SYT1: variants seen among roughly 807,000 people sequenced by gnomAD.
SYT1 encodes synaptotagmin-1.
Under a neutral mutation model 44.8 loss-of-function variants are expected in SYT1, and 8 were observed. The observed-to-expected ratio is 0.18, with a 90% confidence interval of 0.10 to 0.32. The LOEUF is 0.32. SYT1 is among the 10% of genes least tolerant of loss of function. SYT1 has a pLI of 1.00. For missense variants in SYT1, 286 were observed against 509.3 expected, an observed-to-expected ratio of 0.56 and a Z score of 4.22; for synonymous variants, 154 against 188.8, an observed-to-expected ratio of 0.82 and a Z score of 1.51.
chr12:79,428,428 T>C (rs1396199916), intron 9 of SYT1, among the ~76,000 whole-genome samples: 1 of 152,190 alleles, frequency 6.6e-6, no homozygotes, highest in African/African-American at 2.4e-5. Context: ...AATGATCCCA[T>C]GATGATTCAC....
chr12:79,164,370 T>C (rs2138321663), intron 3 of SYT1, among the ~76,000 whole-genome samples: 1 of 152,210 alleles, frequency 6.6e-6, no homozygotes, highest in South Asian at 2.1e-4. Context: ...TCTTCATTTT[T>C]CCATTTGCTT....
Position 79,331,115 on chromosome 12 carries a change from A to C in SYT1, c.811-22387A>C, listed in dbSNP as rs528310060. 7.2e-5 allele frequency among the ~76,000 whole-genome samples: 11 copies of C among 152,284 alleles called. No homozygotes were observed. The East Asian group carries it at 2.1e-3, about 29-fold the overall frequency. The stretch of plus-strand genomic sequence containing the variant: ...CAATTGAGAAGTGTTCTTAATTTAT[A>C]ACAGCAACAGCTTCTTTCAGAAAGC... On this transcript the variant is annotated intron_variant, in intron 8 of 10. Coordinates refer to ENST00000261205, the MANE Select transcript of SYT1 (RefSeq NM_005639.3).
At chr12:78,900,920 C>T (rs748919144) in intron 1 of SYT1, among the ~76,000 whole-genome samples, 3 of 152,070 alleles carry the variant, frequency 2.0e-5, no homozygotes, top group Admixed American at 6.6e-5. Flanking sequence ...TGTCAGAACA[C>T]TAGAGGCAAT....
At chr12:79,172,632 C>G (rs1297408334) in intron 3 of SYT1, among the ~76,000 whole-genome samples, 1 of 151,656 alleles carries the variant, frequency 6.6e-6, no homozygotes, top group East Asian at 1.9e-4. Context: ...ATTTATAATG[C>G]TCTAAATTAA....
intron 9 of SYT1, among the ~76,000 whole-genome samples, chr12:79,390,818 C>A (rs1169039586): frequency 6.6e-6 from 1 of 152,160 alleles, no homozygotes; most frequent in East Asian, 1.9e-4. Flanking sequence ...GTGTTTATTA[C>A]CAATTCAATC....
intron 1 of SYT1, among the ~76,000 whole-genome samples, chr12:78,961,734 A>G (rs1879515936): frequency 6.6e-6 from 1 of 152,162 alleles, no homozygotes; most frequent in Non-Finnish European, 1.5e-5. Context: ...AGATAAAATG[A>G]CCATCCTTCC....
At chr12:79,409,590 G>T (rs949573968) in intron 9 of SYT1, among the ~76,000 whole-genome samples, 5 of 152,114 alleles carry the variant, frequency 3.3e-5, no homozygotes, top group Non-Finnish European at 5.9e-5. Context: ...TTCCAGAACA[G>T]CCTTATTAGA....
At chr12:79,099,138 A>G (rs1167352983) in intron 3 of SYT1, among the ~76,000 whole-genome samples, 1 of 152,134 alleles carries the variant, frequency 6.6e-6, no homozygotes, top group Non-Finnish European at 1.5e-5. Flanking sequence ...TTAACTAAAT[A>G]AAGGCAATGC....
At position 79,446,488 on chromosome 12, in the gene SYT1, C is replaced by T. The variant is rs532359120; in HGVS notation, c.1062+2282C>T. ...CTCAGTCACTAATTTGACCAAGGAA[C>T]GTTATTTAACTTCCATGTATTTAAA... is the stretch of plus-strand genomic sequence containing the variant. On this transcript the variant is annotated intron_variant, in intron 10 of 10. Transcript: ENST00000261205. Among the ~76,000 whole-genome samples the T allele has an allele frequency of 2.1e-3, 326 of 152,114 alleles. 1 individual carries two copies. The highest frequency in any genetic ancestry group is 3.6e-3 in the Non-Finnish European group (245 of 67,974).
intron 1 of SYT1, among the ~76,000 whole-genome samples, chr12:78,896,769 A>C: frequency 6.6e-6 from 1 of 151,968 alleles, no homozygotes; most frequent in Admixed American, 6.6e-5. Flanking sequence ...AATTATGTGA[A>C]AAGAAAATAT....
At chr12:79,429,929 A>G (rs187702845) in intron 9 of SYT1, among the ~76,000 whole-genome samples, 6 of 152,326 alleles carry the variant, frequency 3.9e-5, no homozygotes, top group East Asian at 1.9e-4. Flanking sequence ...AGATATATGG[A>G]TTTCCTATTT....
intron 2 of SYT1, among the ~76,000 whole-genome samples, chr12:79,015,058 T>A (rs1434846908): frequency 1.3e-5 from 2 of 151,498 alleles, no homozygotes; most frequent in Non-Finnish European, 2.9e-5. Flanking sequence ...CTGGGGACTG[T>A]TGTAGGGTGG....
intron 3 of SYT1, among the ~76,000 whole-genome samples, chr12:79,066,478 G>GA (rs149463484): frequency 0.02 from 2,825 of 138,756 alleles, 89 homozygotes; most frequent in African/African-American, 0.069. Flanking sequence ...CTCTTGGTTT[G>GA]AAAAAAAAAA....
At chr12:78,934,323 C>A (rs1175160519) in intron 1 of SYT1, among the ~76,000 whole-genome samples, 1 of 151,862 alleles carries the variant, frequency 6.6e-6, no homozygotes, top group Non-Finnish European at 1.5e-5. Context: ...GAGTTCAAGA[C>A]CAGCCTGGGC....
chr12:78,885,411 GAC>G (rs1389315305), intron 1 of SYT1, among the ~76,000 whole-genome samples: 1 of 150,412 alleles, frequency 6.6e-6, no homozygotes, highest in Non-Finnish European at 1.5e-5. Flanking sequence ...AGAGAAGGAG[GAC>G]AGGTGCTATT....
chr12:79,275,091 G>A (rs958486376), intron 4 of SYT1, among the ~76,000 whole-genome samples: 14 of 152,208 alleles, frequency 9.2e-5, no homozygotes, highest in African/African-American at 3.1e-4. Flanking sequence ...ACTCCTAGGG[G>A]AAAAGGGAGT....
intron 8 of SYT1, among the ~76,000 whole-genome samples, chr12:79,327,425 A>C (rs1246084720): frequency 6.6e-6 from 1 of 152,164 alleles, no homozygotes; most frequent in African/African-American, 2.4e-5. Flanking sequence ...ACTCAGATCA[A>C]TTTCACTCCA....
chr12:79,058,913 G>C lies in SYT1; in HGVS notation c.-18+11551G>C, dbSNP rs548700606. Among the ~76,000 whole-genome samples, 45 of 152,124 alleles carry C rather than the reference G, an allele frequency of 3.0e-4. No homozygotes were observed. The South Asian group carries it at 8.5e-3, about 29-fold the overall frequency. On this transcript the variant is annotated intron_variant, in intron 3 of 10. Coordinates refer to ENST00000261205, the MANE Select transcript of SYT1 (RefSeq NM_005639.3). Reference sequence around the variant, plus strand: ...CATACACATTTTCCCAGTGGGTCTTGCAAAGCTTGTGATAGAAGATTTGTT... The same window carrying C: ...CATACACATTTTCCCAGTGGGTCTTCCAAAGCTTGTGATAGAAGATTTGTT...
At chr12:79,183,803 G>A (rs1486983527) in intron 3 of SYT1, among the ~76,000 whole-genome samples, 2 of 151,926 alleles carry the variant, frequency 1.3e-5, no homozygotes, top group Non-Finnish European at 2.9e-5. Context: ...TAAAGTTTTC[G>A]AGCAAGCACT....
Sources: gnomAD v4.1 joint callset for allele counts (sites outside exome capture counted in the v4.1 genomes callset) on GRCh38, gnomAD v4.1.1 for gene constraint, MANE v1.5 for transcripts, NCBI Gene and HGNC (gene_info 2026-07-23, HGNC 2026-07-21) for gene names.